Variants in UCP3 observed in about 807,000 individuals in gnomAD.
UCP3 encodes the protein uncoupling protein 3.
In UCP3, 24 loss-of-function variants were observed where a neutral mutation model predicts 28.1. The ratio of observed to expected loss-of-function variants is 0.85; its 90% CI spans 0.62 to 1.20. The LOEUF (loss-of-function observed/expected upper bound fraction) is 1.20, where lower values mean the gene tolerates loss of function less well. Among genes scored for constraint, UCP3 ranks in the 50% most tolerant of loss-of-function variants. The pLI is 0.00. For synonymous variants in UCP3, 184 were observed against 171.2 expected, an observed-to-expected ratio of 1.07 and a Z score of -0.59; for missense variants, 397 against 422.2, an observed-to-expected ratio of 0.94 and a Z score of 0.52.
chr11:74,001,252 C>T lies in UCP3; in HGVS notation c.*160G>A. ...GAGGCATGGCAGTGAAGACCAGAAT[C>T]CCTCCTCCTCTTCTACTTCTGTTTC... On this transcript the variant is annotated 3_prime_UTR_variant, in exon 7 of 7. Coordinates refer to ENST00000314032, the MANE Select transcript of UCP3 (RefSeq NM_003356.4). The T allele has an allele frequency of 1.5e-6, 1 of 676,436 alleles. No homozygotes were observed. Among genetic ancestry groups the T allele is most frequent in the Non-Finnish European group, 2.6e-6 (1 of 390,020 alleles). 41.9% of individuals were successfully genotyped at this position (676,436 alleles called of 1,614,324 possible).
At chr11:74,003,660 G>T in intron 6 of UCP3, 167 bp downstream of exon 6, 2 of 1,457,526 alleles carry the variant, frequency 1.4e-6, no homozygotes, top group Non-Finnish European at 9.0e-7. Context: ...ATCAGGTATG[G>T]TTCACTTTTT....
At chr11:74,006,010 C>A in intron 3 of UCP3, 77 bp from the exon 4 acceptor site, 3 of 1,575,370 alleles carry the variant, frequency 1.9e-6, no homozygotes, top group Non-Finnish European at 2.6e-6. Flanking sequence ...TGCGGGGCTG[C>A]CCCTGCAGCT....
chr11:74,007,180 G>T, intron 1 of UCP3, 43 bp from the exon 2 acceptor site: 2 of 1,179,414 alleles, frequency 1.7e-6, no homozygotes, highest in Non-Finnish European at 2.3e-6. Flanking sequence ...GTGATGTCTG[G>T]CCTGGCTCCC....
At chr11:74,004,268 A>T (rs1026180782) in intron 5 of UCP3, among the ~76,000 whole-genome samples, 3 of 152,154 alleles carry the variant, frequency 2.0e-5, no homozygotes, top group Non-Finnish European at 4.4e-5. Context: ...CTATATAGTG[A>T]GAGGTGGTGC....
chr11:74,005,915 C>T lies in UCP3; in HGVS notation c.356G>A (p.Arg119Gln), dbSNP rs17848372. ...TCCTGTGGTGCAGCCGGCCAAAATC[C>T]GGGTAGTGAGGCTGGAGTCTGGGAG... ...KGADNSSLTTRILAGCTTGAM... is the reference protein window; with the variant it reads ...KGADNSSLTTQILAGCTTGAM... The change falls in exon 4 of 7, where the codon CGG becomes CAG. Residue 119 changes from arginine to glutamine, a missense_variant. Arg to Gln is a conservative substitution (Grantham distance 43). Coordinates refer to ENST00000314032, the MANE Select transcript of UCP3 (RefSeq NM_003356.4). The T allele has an allele frequency of 2.1e-4, 340 of 1,614,136 alleles. No homozygotes were observed. In the East Asian group the frequency reaches 5.3e-3, roughly 25 times the overall value.
chr11:74,003,914 A>G lies in UCP3; in HGVS notation c.737T>C (p.Met246Thr). ...SPVDVVKTRY[M>T]NSPPGQYFSP... ...GAAGTACTGGCCTGGAGGTGAGTTC[A>G]TATACCGGGTCTTCACCACGTCCAC... The change falls in exon 6 of 7, where the codon ATG (methionine) becomes ACG (threonine). Residue 246 changes from methionine to threonine, a missense_variant. Coordinates refer to ENST00000314032, the MANE Select transcript of UCP3 (RefSeq NM_003356.4). The G allele has an allele frequency of 2.5e-6, 4 of 1,614,162 alleles. No homozygotes were observed. The highest frequency in any genetic ancestry group is 2.5e-6 in the Non-Finnish European group (3 of 1,180,034).
In UCP3 at chr11:74,003,985, G is replaced by A. The variant is rs1425550621; in HGVS notation, c.666C>T (p.Val222=). 2 of 1,614,076 alleles carry A rather than the reference G, an allele frequency of 1.2e-6. No individual in the cohort carries two copies. The highest frequency in any genetic ancestry group is 1.1e-5 in the South Asian group (1 of 91,082). ...LLTDNFPCHF[V]SAFGAGFCAT... ...CACAGAAGCCGGCTCCAAAGGCAGA[G>A]ACAAAGTGGCAGGGGAAGTTGTCTG... The change falls in exon 6 of 7, where the codon GTC becomes GTT. Residue 222 remains valine, a synonymous_variant. Coordinates refer to ENST00000314032, the MANE Select transcript of UCP3 (RefSeq NM_003356.4).
rs372897619 is a variant in UCP3 at position 74,006,269 on chromosome 11, A to G, written c.237T>C (p.Asn79=). Residue 79 remains asparagine (N), a synonymous_variant, in exon 3 of 7, where the codon AAT becomes AAC. Transcript: ENST00000314032. The stretch of plus-strand genomic sequence containing the variant: ...GGCGCTGCAGGCCGGCCACCAGCCC[A>G]TTGTAGGGGCTGCAGGGACCCTCAG... ...VRTEGPCSPY[N]GLVAGLQRQM... 7.4e-6 allele frequency: 12 copies of G among 1,613,548 alleles called. No individual in the cohort carries two copies. The highest frequency in any genetic ancestry group is 2.2e-5 in the South Asian group (2 of 91,070).
chr11:74,005,727 T>C lies in UCP3; in HGVS notation c.541+3A>G, dbSNP rs548098976. ...ACCGCCTGCGTCCAGAGTCCAGACC[T>C]ACCTTTCCACAGGCCCCTGACTCCT... On this transcript the variant is annotated splice_donor_region_variant and intron_variant, in intron 4 of 6. Coordinates refer to ENST00000314032, the MANE Select transcript of UCP3 (RefSeq NM_003356.4). 124 of 1,614,064 alleles carry C rather than the reference T, an allele frequency of 7.7e-5. 1 individual carries two copies. In the Admixed American group the frequency reaches 1.5e-3, roughly 20 times the overall value.
At chr11:74,003,213 T>C (rs1172631744) in intron 6 of UCP3, among the ~76,000 whole-genome samples, 2 of 152,246 alleles carry the variant, frequency 1.3e-5, no homozygotes, top group Non-Finnish European at 2.9e-5. Context: ...AAAAGATGTC[T>C]GAGCCACTTT....
chr11:74,004,089 C>T (rs1726743), intron 5 of UCP3, 82 bp from the exon 6 acceptor site: 80,388 of 1,568,118 alleles, frequency 0.051, 4,287 homozygotes, highest in African/African-American at 0.27. Context: ...CCAACTCAAC[C>T]GTGAACTCCC....
intron 4 of UCP3, among the ~76,000 whole-genome samples, 169 bp downstream of exon 4, chr11:74,005,561 G>C (rs1386450110): frequency 1.3e-5 from 2 of 152,244 alleles, no homozygotes; most frequent in East Asian, 1.9e-4. Context: ...AAAATGAACT[G>C]AGTTTGAGGG....
chr11:74,007,134 G>C lies in UCP3; in HGVS notation c.-92C>G, dbSNP rs1257792597. ...CAGCCCTGGGCTTCAGTGCAGCGGTGGGGCTGCAGGAGACAGGCCAGAGAA... is the reference window on the plus strand; with the variant it reads ...CAGCCCTGGGCTTCAGTGCAGCGGTCGGGCTGCAGGAGACAGGCCAGAGAA... On this transcript the variant is annotated 5_prime_UTR_variant, in exon 2 of 7. Coordinates refer to ENST00000314032, the MANE Select transcript of UCP3 (RefSeq NM_003356.4). 1.2e-5 allele frequency: 18 copies of C among 1,511,936 alleles called. No individual in the cohort carries two copies. Among genetic ancestry groups the C allele is most frequent in the Middle Eastern group, 1.8e-4 (1 of 5,526 alleles). 93.7% of individuals were successfully genotyped at this position (1,511,936 alleles called of 1,614,324 possible).
Position 74,001,382 on chromosome 11 carries a change from C to G in UCP3, c.*30G>C, listed in dbSNP as rs368564754. ...TTCCATTCTTAACTGGTTTCGGACA[C>G]GTTAGCTACCAGTGGCCTTCTTGTC... On this transcript the variant is annotated 3_prime_UTR_variant, in exon 7 of 7. Transcript: ENST00000314032. 3 of 1,608,420 alleles carry G rather than the reference C, an allele frequency of 1.9e-6. No homozygotes were observed. The East Asian group carries it at 6.7e-5, about 36-fold the overall frequency.
intron 4 of UCP3, among the ~76,000 whole-genome samples, chr11:74,005,003 C>A (rs1021699258): frequency 6.6e-6 from 1 of 152,226 alleles, no homozygotes; most frequent in Non-Finnish European, 1.5e-5. Context: ...CAGGATCAAA[C>A]CCCTGGTTTC....
chr11:74,003,933 C>A lies in UCP3; in HGVS notation c.718G>T (p.Val240Leu). The A allele has an allele frequency of 6.2e-7, 1 of 1,614,168 alleles. No homozygotes were observed. The highest frequency in any genetic ancestry group is 8.5e-7 in the Non-Finnish European group (1 of 1,180,034). ...GAGTTCATATACCGGGTCTTCACCACGTCCACCGGGGAGGCCACCACTGTG... is the reference window on the plus strand; with the variant it reads ...GAGTTCATATACCGGGTCTTCACCAAGTCCACCGGGGAGGCCACCACTGTG... ...CATVVASPVD[V>L]VKTRYMNSPP... The change falls in exon 6 of 7, where the codon GTG (valine) becomes TTG (leucine). Residue 240 changes from valine to leucine, a missense_variant. By Grantham distance (32) the Val-to-Leu change is conservative. Coordinates refer to ENST00000314032, the MANE Select transcript of UCP3 (RefSeq NM_003356.4).
chr11:74,003,657 A>C, intron 6 of UCP3, 170 bp downstream of exon 6: 1 of 1,444,744 alleles, frequency 6.9e-7, no homozygotes. Flanking sequence ...CCCATCAGGT[A>C]TGGTTCACTT....
chr11:74,004,133 A>C, intron 5 of UCP3, 126 bp from the exon 6 acceptor site: 1 of 1,483,384 alleles, frequency 6.7e-7, no homozygotes, highest in Non-Finnish European at 9.1e-7. Context: ...TATCTCTCAC[A>C]GTGCCCTGGG....
intron 6 of UCP3, 147 bp from the exon 7 acceptor site, chr11:74,001,673 C>A: frequency 1.4e-6 from 1 of 707,336 alleles, no homozygotes. Flanking sequence ...GTCTCTCTCT[C>A]TCTTTTTTTT....
Sources: allele counts gnomAD v4.1 joint callset (sites outside exome capture counted in the v4.1 genomes callset), GRCh38; gene constraint gnomAD v4.1.1; transcripts MANE v1.5; gene names NCBI Gene and HGNC (gene_info 2026-07-23, HGNC 2026-07-21).